Variants in DIAPH2 observed in about 807,000 individuals in gnomAD.
DIAPH2 encodes diaphanous related formin 2.
Under a neutral mutation model 92.7 loss-of-function variants are expected in DIAPH2, and 35 were observed. The ratio of observed to expected loss-of-function variants is 0.38; its 90% confidence interval spans 0.29 to 0.50. The LOEUF is 0.50. Ranked by LOEUF, DIAPH2 falls within the 20% of genes least tolerant of loss-of-function variation. The probability of loss-of-function intolerance (pLI) is 0.94; values close to 1 mark genes in which losing one functional copy is unlikely to be tolerated. For missense variants in DIAPH2, 701 were observed against 819.5 expected, an observed-to-expected ratio of 0.86 and a Z score of 1.77; for synonymous variants, 301 against 280.4, an observed-to-expected ratio of 1.07 and a Z score of -0.73.
rs754295467 is a variant in DIAPH2 at position 97,599,265 on chromosome X, T to C, written c.3254T>C (p.Val1085Ala). ...GTTTGTCTTACAGATAACAGACGAGTACCTTTGGAAAGGTCACGCTCTCGC... is the reference window on the plus strand; with the variant it reads ...GTTTGTCTTACAGATAACAGACGAGCACCTTTGGAAAGGTCACGCTCTCGC... ...RIPRNPDNRR[V>A]PLERSRSRHN... Residue 1085 changes from valine to alanine, a missense_variant, in exon 27 of 27, where the codon GTA becomes GCA. By Grantham distance (64) the Val-to-Ala change is moderately conservative. Coordinates refer to ENST00000324765, the MANE Select transcript of DIAPH2 (RefSeq NM_006729.5). 4.1e-5 allele frequency: 49 copies of C among 1,191,764 alleles called. No homozygotes were observed. In the South Asian group the frequency reaches 6.7e-4, roughly 16 times the overall value.
At chrX:97,345,298 GTTGTTAATGTGAATGCTAATACTT>G (rs1267650885) in intron 23 of DIAPH2, among the ~76,000 whole-genome samples, 136 of 111,668 alleles carry the variant, frequency 1.2e-3, no homozygotes, top group African/African-American at 4.3e-3. Flanking sequence ...AGGCTGTTGT[GTTGTTAATGTGAATGCTAATACTT>G]ACGTAGCATA....
chrX:96,805,811 G>C (rs1166768680), intron 4 of DIAPH2, among the ~76,000 whole-genome samples: 1 of 111,850 alleles, frequency 8.9e-6, no homozygotes, highest in African/African-American at 3.3e-5. Context: ...AGGTTCAATG[G>C]AAAATCCTAG....
intron 21 of DIAPH2, among the ~76,000 whole-genome samples, chrX:97,139,986 A>G: frequency 9.1e-6 from 1 of 109,669 alleles, no homozygotes; most frequent in East Asian, 2.8e-4. Context: ...GTCCTAAAAA[A>G]CTAGGTGGGT....
intron 4 of DIAPH2, among the ~76,000 whole-genome samples, chrX:96,782,277 T>TTTTG (rs562358550): frequency 4.2e-3 from 459 of 109,850 alleles, no homozygotes; most frequent in African/African-American, 4.9e-3. Context: ...TGTTTTGTAT[T>TTTTG]TTTGTTTGTT....
At chrX:97,418,941 A>G (rs1411054943) in intron 25 of DIAPH2, among the ~76,000 whole-genome samples, 1 of 111,666 alleles carries the variant, frequency 9.0e-6, no homozygotes, top group East Asian at 2.8e-4. Flanking sequence ...TGCTCTCTTC[A>G]ATTGCAAGTA....
At chrX:97,579,562 T>C (rs1456799207) in intron 26 of DIAPH2, among the ~76,000 whole-genome samples, 1 of 111,453 alleles carries the variant, frequency 9.0e-6, no homozygotes, top group Non-Finnish European at 1.9e-5. Context: ...GCTGTTTTGG[T>C]TACTGTAGCC....
chrX:97,312,181 A>G (rs1354068569), intron 23 of DIAPH2, among the ~76,000 whole-genome samples: 5 of 109,989 alleles, frequency 4.5e-5, no homozygotes, highest in Non-Finnish European at 9.5e-5. Context: ...AGTTCAGCCT[A>G]CGCCCAGGAA....
chrX:97,270,542 A>G (rs372251725), intron 23 of DIAPH2, among the ~76,000 whole-genome samples: 4 of 111,820 alleles, frequency 3.6e-5, no homozygotes, highest in South Asian at 7.6e-4. Flanking sequence ...TCACCCATCA[A>G]CACAGAAGTG....
chrX:96,954,128 C>T (rs2065794545), intron 15 of DIAPH2: 1 of 112,012 alleles, frequency 8.9e-6, no homozygotes, highest in Non-Finnish European at 1.9e-5. Flanking sequence ...CCCAGTCGAG[C>T]GTCAAGGCAC....
In DIAPH2 at chrX:97,601,084, C is replaced by CTGTT. The variant is rs1463374676; in HGVS notation, c.*1769_*1772dup. The CTGTT allele has an allele frequency of 1.8e-5, 2 of 112,485 alleles. No individual in the cohort carries two copies. Among genetic ancestry groups the CTGTT allele is most frequent in the Admixed American group, 9.4e-5 (1 of 10,613 alleles). 9.3% of individuals were successfully genotyped at this position (112,485 alleles called of 1,213,427 possible). On this transcript the variant is annotated 3_prime_UTR_variant, in exon 27 of 27. Coordinates refer to ENST00000324765, the MANE Select transcript of DIAPH2 (RefSeq NM_006729.5). ...ACATTTAAGGGACATAGCAGTAACA[C>CTGTT]TGTTTTTTAACAACAACAAAAGTTT...
chrX:97,093,233 G>A (rs1031532412), intron 19 of DIAPH2, among the ~76,000 whole-genome samples: 9 of 104,632 alleles, frequency 8.6e-5, no homozygotes, highest in Non-Finnish European at 1.8e-4. Context: ...GAGGGAGGGA[G>A]GGGGGGAAAA....
intron 9 of DIAPH2, among the ~76,000 whole-genome samples, chrX:96,928,842 AAGTG>A (rs2147792074): frequency 9.0e-6 from 1 of 111,566 alleles, no homozygotes; most frequent in African/African-American, 3.2e-5. Context: ...ATTGTATGTA[AAGTG>A]AGTATTTAAT....
chrX:96,776,025 G>A (rs746895066), intron 4 of DIAPH2, among the ~76,000 whole-genome samples: 1 of 111,377 alleles, frequency 9.0e-6, no homozygotes, highest in South Asian at 3.8e-4. Context: ...GCCAGTTATA[G>A]TTATAAACTT....
chrX:97,014,613 C>G (rs1602716476), intron 17 of DIAPH2, among the ~76,000 whole-genome samples: 1 of 112,065 alleles, frequency 8.9e-6, no homozygotes, highest in African/African-American at 3.2e-5. Context: ...TTGTCAGAAA[C>G]TGCCTGTGAG....
intron 26 of DIAPH2, among the ~76,000 whole-genome samples, chrX:97,579,273 T>C (rs1426843606): frequency 3.6e-5 from 4 of 110,658 alleles, no homozygotes; most frequent in African/African-American, 1.3e-4. Context: ...TGGTAATGCC[T>C]AGGTTTTCTT....
intron 23 of DIAPH2, among the ~76,000 whole-genome samples, chrX:97,287,438 A>G (rs575773347): frequency 8.9e-6 from 1 of 111,968 alleles, no homozygotes; most frequent in East Asian, 2.8e-4. Flanking sequence ...TCACTGAAAA[A>G]TGCGAAGAGT....
At chrX:97,488,292 T>C in intron 26 of DIAPH2, among the ~76,000 whole-genome samples, 1 of 112,595 alleles carries the variant, frequency 8.9e-6, no homozygotes, top group Non-Finnish European at 1.9e-5. Flanking sequence ...CATACCCAGC[T>C]GTTTTGTTTT....
At chrX:97,039,922 T>G (rs2066437204) in intron 17 of DIAPH2, among the ~76,000 whole-genome samples, 1 of 111,747 alleles carries the variant, frequency 8.9e-6, no homozygotes, top group African/African-American at 3.2e-5. Context: ...TGCTTTTGCT[T>G]GCTTTCTCAG....
intron 17 of DIAPH2, among the ~76,000 whole-genome samples, chrX:97,011,144 TTTAAA>T (rs1302683303): frequency 5.3e-5 from 6 of 112,451 alleles, no homozygotes; most frequent in Non-Finnish European, 1.9e-5. Context: ...CTGTTATCCT[TTTAAA>T]TTAAACACAT....
Sources: gnomAD v4.1 joint callset for allele counts (sites outside exome capture counted in the v4.1 genomes callset) on GRCh38, gnomAD v4.1.1 for gene constraint, MANE v1.5 for transcripts, NCBI Gene and HGNC (gene_info 2026-07-23, HGNC 2026-07-21) for gene names.